Variants in GLIS1 observed in about 807,000 individuals in gnomAD.
GLIS1 encodes the protein zinc finger protein GLIS1.
A neutral mutation model predicts 63.8 loss-of-function variants in GLIS1; 24 were observed. The ratio of observed to expected loss-of-function variants is 0.38; its 90% CI spans 0.27 to 0.53. The LOEUF (loss-of-function observed/expected upper bound fraction) is 0.53, where lower values mean the gene tolerates loss of function less well. Ranked by LOEUF, GLIS1 falls within the 20% of genes least tolerant of loss-of-function variation. The pLI is 0.85. For synonymous variants in GLIS1, 450 were observed against 482.5 expected (o/e 0.93, Z 0.88); for missense variants, 1,036 against 1,074.1 (o/e 0.96, Z 0.50).
chr1:53,709,352 A>G, intron 2 of GLIS1, among the ~76,000 whole-genome samples: 1 of 98,198 alleles, frequency 1.0e-5, no homozygotes. Flanking sequence ...ATATATACAT[A>G]TATATACATA....
Position 53,594,553 on chromosome 1 carries a change from G to A in GLIS1, c.875C>T (p.Ser292Phe). Residue 292 changes from serine (S) to phenylalanine (F), a missense_variant, in exon 4 of 11, where the codon TCC becomes TTC. Ser to Phe is a radical substitution (Grantham distance 155, BLOSUM62 -2). This residue lies in a region of GLIS1 where 592 missense variants were observed against 593.9 expected (regional missense o/e 1.00). Transcript: ENST00000628545. Reference sequence around the variant, plus strand: ...TGCAGGGCCAGGCCGGGCCCGCTTGGAAGGGCCCCCCAGATCTCCCGTCAG... The same window carrying A: ...TGCAGGGCCAGGCCGGGCCCGCTTGAAAGGGCCCCCCAGATCTCCCGTCAG... The part of the protein sequence containing the change: ...PPLTGDLGGP[S>F]KRARPGPAST... The A allele has an allele frequency of 6.2e-7, 1 of 1,602,660 alleles. No individual in the cohort carries two copies. The highest frequency in any genetic ancestry group is 8.5e-7 in the Non-Finnish European group (1 of 1,171,710).
Position 53,526,566 on chromosome 1 carries a change from C to CCA in GLIS1, c.1483-1681_1483-1680dup, listed in dbSNP as rs4061942. 2.7e-4 allele frequency among the ~76,000 whole-genome samples: 41 copies of CCA among 151,518 alleles called. No individual in the cohort carries two copies. The highest frequency in any genetic ancestry group is 1.7e-3 in the South Asian group (8 of 4,794). On this transcript the variant is annotated intron_variant, in intron 5 of 10. Coordinates refer to ENST00000628545, the MANE Select transcript of GLIS1 (RefSeq NM_001367484.1). This position sits in a 1 kb window ranked among gnomAD's most constrained non-coding sequence, Gnocchi z 4.4. ...ACACACACACACAAAACCACCACCA[C>CCA]CACACACACACACCACACCATACAC...
At chr1:53,643,629 T>C (rs551628097) in intron 2 of GLIS1, among the ~76,000 whole-genome samples, 8 of 152,326 alleles carry the variant, frequency 5.3e-5, no homozygotes, top group Non-Finnish European at 1.0e-4. Flanking sequence ...TTACTAGCTA[T>C]GTGACTTGGG....
At chr1:53,714,698 C>T (rs1372473415) in intron 2 of GLIS1, among the ~76,000 whole-genome samples, 2 of 152,194 alleles carry the variant, frequency 1.3e-5, no homozygotes, top group African/African-American at 4.8e-5. Context: ...AGGCCCTGTA[C>T]TGAGATGAGA....
At chr1:53,677,062 C>T (rs897697710) in intron 2 of GLIS1, among the ~76,000 whole-genome samples, 3 of 152,268 alleles carry the variant, frequency 2.0e-5, no homozygotes, top group South Asian at 2.1e-4. Flanking sequence ...CAGCAGGTAC[C>T]GCACAAGCCC....
At chr1:53,627,145 T>G (rs1467399313) in intron 2 of GLIS1, among the ~76,000 whole-genome samples, 2 of 152,104 alleles carry the variant, frequency 1.3e-5, no homozygotes, top group Non-Finnish European at 2.9e-5. Context: ...AGGCATTACC[T>G]GAATGGCCTG....
chr1:53,619,812 T>C lies in GLIS1; in HGVS notation c.260-19534A>G, dbSNP rs193266692. Among the ~76,000 whole-genome samples, 90 of 152,314 alleles carry C rather than the reference T, an allele frequency of 5.9e-4. No individual in the cohort carries two copies. In the East Asian group the frequency reaches 0.016, roughly 28 times the overall value. On this transcript the variant is annotated intron_variant, in intron 2 of 10. Coordinates refer to ENST00000628545, the MANE Select transcript of GLIS1 (RefSeq NM_001367484.1). ...ACTAAAACAGATCTAAAAGATAATC[T>C]TGTTTTACATAAGAGGGAGACTGAG...
At chr1:53,673,065 A>G (rs781364986) in intron 2 of GLIS1, among the ~76,000 whole-genome samples, 1 of 152,026 alleles carries the variant, frequency 6.6e-6, no homozygotes, top group Non-Finnish European at 1.5e-5. Flanking sequence ...CCACAATCTC[A>G]TGCCTATAAA....
intron 4 of GLIS1, among the ~76,000 whole-genome samples, chr1:53,550,757 G>A (rs549100521): frequency 1.3e-5 from 2 of 152,212 alleles, no homozygotes; most frequent in African/African-American, 4.8e-5. Flanking sequence ...ACTCCACAGG[G>A]AACATGAGGC....
At chr1:53,510,650 T>G (rs554222480) in intron 8 of GLIS1, among the ~76,000 whole-genome samples, 3 of 152,300 alleles carry the variant, frequency 2.0e-5, no homozygotes, top group African/African-American at 7.2e-5. Flanking sequence ...GAGGGTGACA[T>G]TAAAGCAATA....
rs866558089 is a variant in GLIS1, at chr1:53,524,993, A to C, written c.1483-106T>G. 23 of 819,866 alleles carry C rather than the reference A, an allele frequency of 2.8e-5. No individual in the cohort carries two copies. The Middle Eastern group carries it at 3.4e-3, about 122-fold the overall frequency. The allele number at this position is 819,866 out of a possible 1,614,324, so 50.8% of individuals were successfully genotyped here. A position where few individuals can be genotyped will look rare whatever the true frequency, so the allele number is the denominator to read the frequency against. On this transcript the variant is annotated intron_variant, in intron 5 of 10. Coordinates refer to ENST00000628545, the MANE Select transcript of GLIS1 (RefSeq NM_001367484.1). Reference sequence around the variant, plus strand: ...GGTGACCAGGCGAGAGGCTGGCTGCAGGCCAAGAGTACTCTGCCTCAGCCA... The same window carrying C: ...GGTGACCAGGCGAGAGGCTGGCTGCCGGCCAAGAGTACTCTGCCTCAGCCA...
intron 2 of GLIS1, among the ~76,000 whole-genome samples, chr1:53,647,063 A>C (rs1477012724): frequency 6.6e-6 from 1 of 152,218 alleles, no homozygotes; most frequent in Non-Finnish European, 1.5e-5. Context: ...TTGAGAGATA[A>C]GCCATATTCA....
intron 2 of GLIS1, among the ~76,000 whole-genome samples, chr1:53,602,662 G>C (rs1645330206): frequency 6.6e-6 from 1 of 152,206 alleles, no homozygotes; most frequent in Admixed American, 6.5e-5. Flanking sequence ...GGGCAGGACA[G>C]CCATTTTCCA....
chr1:53,642,963 A>G (rs1020493401), intron 2 of GLIS1, among the ~76,000 whole-genome samples: 9 of 152,216 alleles, frequency 5.9e-5, no homozygotes, highest in Non-Finnish European at 1.3e-4. Context: ...CAACTCAGGA[A>G]TTGTGAGCTG....
At chr1:53,729,457 G>A (rs996908828) in intron 2 of GLIS1, among the ~76,000 whole-genome samples, 3 of 152,148 alleles carry the variant, frequency 2.0e-5, no homozygotes, top group East Asian at 3.9e-4. Flanking sequence ...CGGGGGGTAC[G>A]GAGGGAGGAG....
chr1:53,534,293 C>T (rs1337626957), intron 4 of GLIS1, among the ~76,000 whole-genome samples: 3 of 152,008 alleles, frequency 2.0e-5, no homozygotes, highest in East Asian at 1.9e-4. Context: ...AATGGCACCA[C>T]GACCCGAGGG....
chr1:53,690,828 A>C (rs1570054835), intron 2 of GLIS1, among the ~76,000 whole-genome samples: 1 of 152,168 alleles, frequency 6.6e-6, no homozygotes, highest in Non-Finnish European at 1.5e-5. Flanking sequence ...CTGGAGCAGG[A>C]ATAATAAAAA....
intron 2 of GLIS1, among the ~76,000 whole-genome samples, chr1:53,696,782 G>A (rs1326037655): frequency 6.6e-6 from 1 of 152,100 alleles, no homozygotes; most frequent in African/African-American, 2.4e-5. Flanking sequence ...AGCGCTCAAG[G>A]GCCCACCTCC....
chr1:53,735,080 G>A (rs552229359), intron 2 of GLIS1, among the ~76,000 whole-genome samples: 1 of 152,290 alleles, frequency 6.6e-6, no homozygotes, highest in Non-Finnish European at 1.5e-5. Flanking sequence ...CCTCTGCTTA[G>A]GGACTGTCTG....
Sources: gnomAD v4.1 joint callset for allele counts (sites outside exome capture counted in the v4.1 genomes callset) on GRCh38, gnomAD v4.1.1 for gene constraint, gnomAD v4.1.1 regional missense constraint, Gnocchi (gnomAD v3.1) non-coding constraint, MANE v1.5 for transcripts, NCBI Gene and HGNC (gene_info 2026-07-23, HGNC 2026-07-21) for gene names.